MAGI2: variants seen among roughly 807,000 people sequenced by gnomAD.
MAGI2 encodes membrane-associated guanylate kinase, WW and PDZ domain-containing protein 2.
In MAGI2, 35 loss-of-function variants were observed where a neutral mutation model predicts 133.3. That is an observed-to-expected ratio of 0.26 (90% CI 0.20 to 0.35). MAGI2 has a LOEUF of 0.35. Ranked by LOEUF, MAGI2 falls within the 10% of genes least tolerant of loss-of-function variation. MAGI2 has a pLI of 1.00. For missense variants in MAGI2, 1,636 were observed against 1,863.4 expected, an observed-to-expected ratio of 0.88 and a Z score of 2.25; for synonymous variants, 729 against 710.6, an observed-to-expected ratio of 1.03 and a Z score of -0.41.
intron 6 of MAGI2, among the ~76,000 whole-genome samples, chr7:78,402,130 T>C (rs1173457918): frequency 6.6e-6 from 1 of 152,220 alleles, no homozygotes; most frequent in African/African-American, 2.4e-5. Context: ...CTCCCATTAC[T>C]ATGTATTCCT....
chr7:78,699,896 T>C (rs1817892203), intron 2 of MAGI2, among the ~76,000 whole-genome samples: 1 of 151,992 alleles, frequency 6.6e-6, no homozygotes, highest in Non-Finnish European at 1.5e-5. Context: ...TTCAGAAAAT[T>C]AGGCCACATG....
rs368294449 is a variant in MAGI2 at position 78,883,592 on chromosome 7, G to A, written c.418+123498C>T. On this transcript the variant is annotated intron_variant, in intron 2 of 21. Transcript: ENST00000354212. ...GTCCTAAGAAAAAAGAACAAAGCTGGAGGCATCGCATTATCCAACTTCAAA... is the reference window on the plus strand; with the variant it reads ...GTCCTAAGAAAAAAGAACAAAGCTGAAGGCATCGCATTATCCAACTTCAAA... 5.3e-5 allele frequency among the ~76,000 whole-genome samples: 8 copies of A among 152,134 alleles called. No individual in the cohort carries two copies. The East Asian group carries it at 1.4e-3, about 26-fold the overall frequency.
intron 9 of MAGI2, among the ~76,000 whole-genome samples, chr7:78,286,757 C>A (rs1327738275): frequency 6.6e-6 from 1 of 152,052 alleles, no homozygotes; most frequent in African/African-American, 2.4e-5. Flanking sequence ...AGCATTGGTT[C>A]TGAAGGAGAG....
At chr7:78,287,821 C>T (rs1796298977) in intron 9 of MAGI2, among the ~76,000 whole-genome samples, 1 of 152,086 alleles carries the variant, frequency 6.6e-6, no homozygotes, top group Non-Finnish European at 1.5e-5. Flanking sequence ...AAGAAGCTAA[C>T]CTACTTTAAG....
intron 2 of MAGI2, among the ~76,000 whole-genome samples, chr7:78,629,365 C>A (rs1808718376): frequency 6.6e-6 from 1 of 152,258 alleles, no homozygotes; most frequent in South Asian, 2.1e-4. Flanking sequence ...AATGCTGCAA[C>A]CTCCATCTTT....
intron 2 of MAGI2, among the ~76,000 whole-genome samples, chr7:78,905,563 CAT>C (rs1797933677): frequency 6.6e-6 from 1 of 152,174 alleles, no homozygotes; most frequent in African/African-American, 2.4e-5. Context: ...TGCATTCACA[CAT>C]GTTGTTTCTT....
intron 1 of MAGI2, among the ~76,000 whole-genome samples, chr7:79,114,276 C>G (rs1015731935): frequency 6.6e-6 from 1 of 152,178 alleles, no homozygotes; most frequent in African/African-American, 2.4e-5. Context: ...CCTCCTTACT[C>G]TATGAAGGAT....
At chr7:78,630,144 CTTTG>C (rs1406600675) in intron 2 of MAGI2, among the ~76,000 whole-genome samples, 4 of 151,960 alleles carry the variant, frequency 2.6e-5, no homozygotes, top group Non-Finnish European at 5.9e-5. Flanking sequence ...TAGCTGATTA[CTTTG>C]TTTAACCCCC....
chr7:79,009,297 C>T (rs1179831068), intron 1 of MAGI2, among the ~76,000 whole-genome samples: 2 of 151,864 alleles, frequency 1.3e-5, no homozygotes, highest in African/African-American at 4.8e-5. Flanking sequence ...ACAAAAAAGT[C>T]TATTTATTCA....
At chr7:78,735,650 T>C (rs1821777464) in intron 2 of MAGI2, among the ~76,000 whole-genome samples, 1 of 152,214 alleles carries the variant, frequency 6.6e-6, no homozygotes, top group Admixed American at 6.5e-5. Context: ...AGTGCCTTTG[T>C]GTGTTAGGTG....
intron 20 of MAGI2, among the ~76,000 whole-genome samples, chr7:78,082,728 T>G (rs3823796): frequency 6.6e-6 from 1 of 152,092 alleles, no homozygotes; most frequent in Admixed American, 6.6e-5. Context: ...AAAATGCTGC[T>G]GCTGACATAG....
At position 79,258,004 on chromosome 7, in the gene MAGI2, A is replaced by AT; in HGVS notation, c.301+195015dup. ...TCATACATTTTGCCTGACCTCATGCATTTTTTTCTTAAACTTCGCAACCAT... is the reference window on the plus strand; with the variant it reads ...TCATACATTTTGCCTGACCTCATGCATTTTTTTTCTTAAACTTCGCAACCAT... On this transcript the variant is annotated intron_variant, in intron 1 of 21. Coordinates refer to ENST00000354212, the MANE Select transcript of MAGI2 (RefSeq NM_012301.4). 1.3e-5 allele frequency among the ~76,000 whole-genome samples: 2 copies of AT among 152,286 alleles called. 1 individual carries two copies. The highest frequency in any genetic ancestry group is 4.1e-4 in the South Asian group (2 of 4,828).
intron 20 of MAGI2, among the ~76,000 whole-genome samples, chr7:78,101,563 A>G (rs1818212110): frequency 6.6e-6 from 1 of 151,664 alleles, no homozygotes. Context: ...AAAATGGATT[A>G]AAGACTTAAT....
At chr7:78,198,450 G>GA (rs1828934433) in intron 11 of MAGI2, among the ~76,000 whole-genome samples, 1 of 55,454 alleles carries the variant, frequency 1.8e-5, no homozygotes, top group Admixed American at 2.3e-4. Flanking sequence ...TTTTTTTTTC[G>GA]AGACATGGTC....
intron 3 of MAGI2, among the ~76,000 whole-genome samples, chr7:78,594,291 C>T (rs938626622): frequency 7.2e-5 from 11 of 152,154 alleles, no homozygotes; most frequent in African/African-American, 2.4e-4. Context: ...CTCACTAACA[C>T]AGGCCTCTGT....
intron 2 of MAGI2, among the ~76,000 whole-genome samples, chr7:78,992,637 T>G (rs1805901431): frequency 6.6e-6 from 1 of 152,024 alleles, no homozygotes; most frequent in South Asian, 2.1e-4. Context: ...TTTTCCAAGC[T>G]AATGTTAGGT....
intron 1 of MAGI2, among the ~76,000 whole-genome samples, chr7:79,430,748 C>T (rs553321537): frequency 3.3e-4 from 50 of 152,280 alleles, no homozygotes; most frequent in African/African-American, 1.1e-3. Flanking sequence ...TATCACAGAA[C>T]TCACCAAATA....
At chr7:78,485,254 A>C (rs529173074) in intron 6 of MAGI2, 1 of 151,820 alleles carries the variant, frequency 6.6e-6, no homozygotes, top group East Asian at 1.9e-4. Context: ...GCTAAACAGC[A>C]CTCCCCCAAA....
intron 20 of MAGI2, among the ~76,000 whole-genome samples, chr7:78,103,211 T>G (rs1475966258): frequency 6.6e-6 from 1 of 152,224 alleles, no homozygotes. Flanking sequence ...TCTGGGACAA[T>G]CCCAATTTTT....
Sources: allele counts gnomAD v4.1 joint callset (sites outside exome capture counted in the v4.1 genomes callset), GRCh38; gene constraint gnomAD v4.1.1; transcripts MANE v1.5; gene names NCBI Gene and HGNC (gene_info 2026-07-23, HGNC 2026-07-21).